The following PLA2G4C variants were observed in gnomAD, a reference collection of about 807,000 sequenced individuals.
The protein encoded by PLA2G4C is phospholipase A2 group IVC.
Under a neutral mutation model 73.8 loss-of-function variants are expected in PLA2G4C, and 64 were observed. The ratio of observed to expected loss-of-function variants is 0.87; its 90% CI spans 0.71 to 1.07. The LOEUF is 1.07. Ranked by LOEUF, PLA2G4C falls within the 50% of genes least tolerant of loss-of-function variation. The pLI is 0.00. For missense variants in PLA2G4C, 622 were observed against 665.4 expected, an observed-to-expected ratio of 0.93 and a Z score of 0.72; for synonymous variants, 254 against 252.1, an observed-to-expected ratio of 1.01 and a Z score of -0.07.
chr19:48,104,521 T>A, intron 4 of PLA2G4C, 67 bp downstream of exon 4: 1 of 1,483,822 alleles, frequency 6.7e-7, no homozygotes, highest in Non-Finnish European at 9.4e-7. Context: ...ACACATTTGG[T>A]GTCAGGAGGA....
At chr19:48,094,554 G>A (rs1196333999) in intron 7 of PLA2G4C, among the ~76,000 whole-genome samples, 2 of 152,180 alleles carry the variant, frequency 1.3e-5, no homozygotes, top group Admixed American at 1.3e-4. Context: ...TTTGAGGTAA[G>A]TACTTTCCCT....
intron 5 of PLA2G4C, 65 bp downstream of exon 5, chr19:48,099,605 TA>T: frequency 8.6e-7 from 1 of 1,162,184 alleles, no homozygotes; most frequent in Non-Finnish European, 1.2e-6. Context: ...GCATCTTTGG[TA>T]ACCCCACACC....
At chr19:48,057,943 C>T (rs1359649490) in intron 14 of PLA2G4C, among the ~76,000 whole-genome samples, 1 of 151,750 alleles carries the variant, frequency 6.6e-6, no homozygotes, top group Non-Finnish European at 1.5e-5. Context: ...TCAGGTTATC[C>T]CATCTCAACC....
chr19:48,069,097 C>T (rs2122524279), intron 12 of PLA2G4C, among the ~76,000 whole-genome samples: 1 of 151,788 alleles, frequency 6.6e-6, no homozygotes, highest in South Asian at 2.1e-4. Context: ...TGAAGCCACC[C>T]CACTTCAACT....
intron 9 of PLA2G4C, among the ~76,000 whole-genome samples, chr19:48,088,374 G>GAA (rs55813203): frequency 3.0e-4 from 44 of 146,696 alleles, no homozygotes; most frequent in East Asian, 8.0e-4. Context: ...GCGGAAAAAA[G>GAA]AAAAAAAAAA....
chr19:48,061,766 A>G (rs1248547629), intron 14 of PLA2G4C: 2 of 512,362 alleles, frequency 3.9e-6, no homozygotes, highest in Admixed American at 6.7e-5. Context: ...GTCATCTGCC[A>G]GGAAGAGGGG....
chr19:48,091,523 G>A (rs1009851799), intron 7 of PLA2G4C, among the ~76,000 whole-genome samples: 8 of 145,496 alleles, frequency 5.5e-5, no homozygotes, highest in African/African-American at 2.0e-4. Flanking sequence ...AATCCCACAT[G>A]TCCTCGGGGC....
chr19:48,068,503 C>A (rs1001371135), intron 12 of PLA2G4C, among the ~76,000 whole-genome samples: 1 of 151,212 alleles, frequency 6.6e-6, no homozygotes, highest in African/African-American at 2.4e-5. Context: ...GGCAAGAGAG[C>A]GAGACCACAT....
intron 13 of PLA2G4C, among the ~76,000 whole-genome samples, chr19:48,066,504 G>A (rs1053964472): frequency 6.6e-6 from 1 of 151,992 alleles, no homozygotes; most frequent in African/African-American, 2.4e-5. Context: ...CAGGAGAGGT[G>A]AGCAGGACTG....
chr19:48,109,807 G>A lies in PLA2G4C; in HGVS notation c.-33+680C>T, dbSNP rs963189460. 5.3e-5 allele frequency among the ~76,000 whole-genome samples: 8 copies of A among 151,912 alleles called. No homozygotes were observed. The East Asian group carries it at 1.4e-3, about 26-fold the overall frequency. On this transcript the variant is annotated intron_variant, in intron 1 of 16. Transcript: ENST00000599921. Reference sequence around the variant, plus strand: ...TGGGACTACAGGCGCCCGCCACCACGCCCAGCTAATTTTTTGTATTTTTAG... The same window carrying A: ...TGGGACTACAGGCGCCCGCCACCACACCCAGCTAATTTTTTGTATTTTTAG...
intron 6 of PLA2G4C, chr19:48,097,898 C>T (rs193183317): frequency 5.5e-4 from 216 of 390,712 alleles, no homozygotes; most frequent in African/African-American, 3.7e-3. Flanking sequence ...GGATTACAAG[C>T]GTGAGCCACC....
chr19:48,095,554 C>T lies in PLA2G4C; in HGVS notation c.619G>A (p.Ala207Thr), dbSNP rs368409006. ...CCGAAGTGGGTTATGGAAACAAAGGCCCCCAGTGCAGAGAAGCCAGCGTGG... is the reference window on the plus strand; with the variant it reads ...CCGAAGTGGGTTATGGAAACAAAGGTCCCCAGTGCAGAGAAGCCAGCGTGG... ...PHHAGFSALG[A>T]FVSITHFGSK... Residue 207 changes from alanine to threonine, a missense_variant, in exon 7 of 17, where the codon GCC (alanine) becomes ACC (threonine). Coordinates refer to ENST00000599921, the MANE Select transcript of PLA2G4C (RefSeq NM_003706.3). 7.3e-5 allele frequency: 117 copies of T among 1,613,680 alleles called. 1 individual carries two copies. Among genetic ancestry groups the T allele is most frequent in the Middle Eastern group, 1.6e-4 (1 of 6,084 alleles).
At chr19:48,082,311 C>T (rs2030628340) in intron 10 of PLA2G4C, among the ~76,000 whole-genome samples, 1 of 151,672 alleles carries the variant, frequency 6.6e-6, no homozygotes, top group African/African-American at 2.4e-5. Context: ...AAATATTGTA[C>T]ATGTTATAAC....
intron 13 of PLA2G4C, among the ~76,000 whole-genome samples, chr19:48,065,333 C>T (rs1050605709): frequency 1.3e-5 from 2 of 151,880 alleles, no homozygotes; most frequent in African/African-American, 2.4e-5. Context: ...GACGGTTGGG[C>T]ACAGTGGCTC....
chr19:48,065,954 G>A lies in PLA2G4C; in HGVS notation c.1102+1837C>T, dbSNP rs375417411. Among the ~76,000 whole-genome samples the A allele has an allele frequency of 7.9e-5, 12 of 152,100 alleles. No individual in the cohort carries two copies. The East Asian group carries it at 1.8e-3, about 22-fold the overall frequency. On this transcript the variant is annotated intron_variant, in intron 13 of 16. Transcript: ENST00000599921. ...ACTAAAAATACAAAATTAGCCAGGC[G>A]TGGTGGCGCATGCCTGTAATCCCAG...
In PLA2G4C at chr19:48,099,804, A is replaced by T; in HGVS notation, c.314T>A (p.Leu105Gln). ...DGDMEALEAD[L>Q]KHRFTRQEWD... The stretch of plus-strand genomic sequence containing the variant: ...CTCCTGTCGGGTAAATCGATGTTTC[A>T]GGTCAGCCTCGAGAGCTTCCATGTC... The change falls in exon 5 of 17, where the codon CTG (leucine) becomes CAG (glutamine). Residue 105 changes from leucine (L) to glutamine (Q), a missense_variant. Transcript: ENST00000599921. The T allele has an allele frequency of 6.2e-7, 1 of 1,613,864 alleles. No individual in the cohort carries two copies. The highest frequency in any genetic ancestry group is 1.3e-5 in the African/African-American group (1 of 75,042).
chr19:48,055,149 C>T lies in PLA2G4C; in HGVS notation c.1258-100G>A. ...GACCCAATGGGACCTCAGCTAACAG[C>T]CCAGACACACAACAGAGCAAGGGTC... On this transcript the variant is annotated intron_variant, in intron 14 of 16. Coordinates refer to ENST00000599921, the MANE Select transcript of PLA2G4C (RefSeq NM_003706.3). 3 of 1,055,364 alleles carry T rather than the reference C, an allele frequency of 2.8e-6. 1 individual carries two copies. The highest frequency in any genetic ancestry group is 4.2e-6 in the Non-Finnish European group (3 of 716,816). 65.4% of individuals were successfully genotyped at this position (1,055,364 alleles called of 1,614,324 possible).
intron 7 of PLA2G4C, among the ~76,000 whole-genome samples, chr19:48,095,217 C>T (rs576390878): frequency 7.4e-4 from 113 of 152,266 alleles, no homozygotes; most frequent in African/African-American, 2.7e-3. Context: ...ACTTGAGCCC[C>T]TCTATTAAGC....
In PLA2G4C at chr19:48,048,060, T is replaced by C. The variant is rs1161791828; in HGVS notation, c.*283A>G. 3 of 471,758 alleles carry C rather than the reference T, an allele frequency of 6.4e-6. No individual in the cohort carries two copies. The highest frequency in any genetic ancestry group is 1.1e-5 in the Non-Finnish European group (3 of 270,240). 29.2% of individuals were successfully genotyped at this position (471,758 alleles called of 1,614,324 possible). ...ATTCTGGCCATCTGGACATTGGACA[T>C]GATGCTTCTGATTGTCAGACACTCA... On this transcript the variant is annotated 3_prime_UTR_variant, in exon 17 of 17. Transcript: ENST00000599921.
Sources: allele counts gnomAD v4.1 joint callset (sites outside exome capture counted in the v4.1 genomes callset), GRCh38; gene constraint gnomAD v4.1.1; transcripts MANE v1.5; gene names NCBI Gene and HGNC (gene_info 2026-07-23, HGNC 2026-07-21).